The following COL4A3 variants were observed in gnomAD, a reference collection of about 807,000 sequenced individuals.
COL4A3 encodes collagen alpha-3(IV) chain.
A neutral mutation model predicts 217.4 loss-of-function variants in COL4A3; 135 were observed. The ratio of observed to expected loss-of-function variants is 0.62; its 90% confidence interval spans 0.54 to 0.72. The LOEUF (loss-of-function observed/expected upper bound fraction) is 0.72. Ranked by LOEUF, COL4A3 falls within the 30% of genes least tolerant of loss-of-function variation. The pLI is 0.00. For missense variants in COL4A3, 1,868 were observed against 2,119.9 expected (o/e 0.88, Z 2.33); for synonymous variants, 690 against 736.3 (o/e 0.94, Z 1.02).
rs114719458 is a variant in COL4A3, at chr2:227,297,664, T to C, written c.3566-10T>C. 923 of 1,602,854 alleles carry C rather than the reference T, an allele frequency of 5.8e-4. 2 individuals are homozygous for C. In the African/African-American group the frequency reaches 0.011, roughly 18 times the overall value. On this transcript the variant is annotated splice_polypyrimidine_tract_variant and intron_variant, in intron 41 of 51. Transcript: ENST00000396578. Reference sequence around the variant, plus strand: ...CATTAAAGAAACTTATTAAGCCTTCTTCTTTGCAGGAGCCAAAGGAGACAG... The same window carrying C: ...CATTAAAGAAACTTATTAAGCCTTCCTCTTTGCAGGAGCCAAAGGAGACAG...
At chr2:227,247,763 C>A (rs999265897) in intron 8 of COL4A3, among the ~76,000 whole-genome samples, 179 bp downstream of exon 8, 1 of 152,038 alleles carries the variant, frequency 6.6e-6, no homozygotes, top group Non-Finnish European at 1.5e-5. Context: ...CTCCTTCTGG[C>A]TCTTGTCATA....
chr2:227,233,535 CTCT>C (rs1279119779), intron 1 of COL4A3, among the ~76,000 whole-genome samples: 3 of 152,072 alleles, frequency 2.0e-5, no homozygotes, highest in Non-Finnish European at 4.4e-5. Context: ...TTGTTTTTGA[CTCT>C]TCAACTTTTT....
At chr2:227,240,302 T>G (rs763810306) in intron 3 of COL4A3, 70 bp downstream of exon 3, 6 of 1,415,006 alleles carry the variant, frequency 4.2e-6, no homozygotes, top group Non-Finnish European at 5.9e-6. Context: ...CCCTGGCTGC[T>G]GCAAACCTGG....
chr2:227,302,959 T>C (rs565426305), intron 43 of COL4A3, 79 bp from the exon 44 acceptor site: 1 of 875,788 alleles, frequency 1.1e-6, no homozygotes, highest in East Asian at 2.4e-5. Context: ...TATACCCTAT[T>C]TGCATTTTTA....
intron 1 of COL4A3, among the ~76,000 whole-genome samples, chr2:227,200,936 A>C (rs768295265): frequency 1.3e-5 from 2 of 152,232 alleles, no homozygotes; most frequent in African/African-American, 4.8e-5. Flanking sequence ...ATTTATTCCA[A>C]AATGTTATTA....
rs545882809 is a variant in COL4A3 at position 227,245,858 on chromosome 2, T to C, written c.325-96T>C. ...ACTTAACCATTTAAACAATCATTTA[T>C]ATTTCAAGAGCTATTTAAATCAGTG... On this transcript the variant is annotated intron_variant, in intron 5 of 51. Coordinates refer to ENST00000396578, the MANE Select transcript of COL4A3 (RefSeq NM_000091.5). The C allele has an allele frequency of 6.5e-5, 58 of 894,330 alleles. No individual in the cohort carries two copies. In the African/African-American group the frequency reaches 8.2e-4, roughly 13 times the overall value. 55.4% of individuals were successfully genotyped at this position (894,330 alleles called of 1,614,324 possible).
At chr2:227,292,096 A>AT in intron 37 of COL4A3, among the ~76,000 whole-genome samples, 1 of 152,300 alleles carries the variant, frequency 6.6e-6, no homozygotes, top group East Asian at 1.9e-4. Context: ...TCAGATTTAG[A>AT]TTTTTAGATT....
chr2:227,187,316 T>G (rs553403835), intron 1 of COL4A3, among the ~76,000 whole-genome samples: 1 of 152,286 alleles, frequency 6.6e-6, no homozygotes, highest in South Asian at 2.1e-4. Context: ...GGGGAGACGC[T>G]GATAATCACA....
chr2:227,269,148 C>A (rs1030914411), intron 23 of COL4A3, among the ~76,000 whole-genome samples: 1 of 151,992 alleles, frequency 6.6e-6, no homozygotes, highest in African/African-American at 2.4e-5. Flanking sequence ...TATTTAAATA[C>A]CTATGGGAAG....
At chr2:227,290,162 C>A in intron 36 of COL4A3, 74 bp downstream of exon 36, 1 of 1,448,442 alleles carries the variant, frequency 6.9e-7, no homozygotes, top group Non-Finnish European at 9.7e-7. Context: ...GTGTTGTGTA[C>A]TGTTTTGGTT....
At chr2:227,277,961 AT>A (rs1203523376) in intron 28 of COL4A3, among the ~76,000 whole-genome samples, 1 of 152,206 alleles carries the variant, frequency 6.6e-6, no homozygotes, top group Non-Finnish European at 1.5e-5. Flanking sequence ...ATGGAAAAAA[AT>A]CTTATAATAA....
In COL4A3 at chr2:227,305,035, C is replaced by T. The variant is rs199548916; in HGVS notation, c.4204C>T (p.Pro1402Ser). Reference protein sequence around the residue: ...KPGKDGKPGTPGPAGEKGNKG... With the variant: ...KPGKDGKPGTSGPAGEKGNKG... ...AGGCAAGGATGGAAAACCAGGAACT[C>T]CTGGACCAGCTGGAGAAAAAGGCAA... The change falls in exon 47 of 52, where the codon CCT (proline) becomes TCT (serine). Residue 1402 changes from proline to serine, a missense_variant. Around this residue, in one of 2 missense-constraint regions of COL4A3, gnomAD observed 1,503 missense variants for 1,786.1 expected, o/e 0.84. Transcript: ENST00000396578. The T allele has an allele frequency of 1.6e-5, 26 of 1,613,990 alleles. No homozygotes were observed. The South Asian group carries it at 2.7e-4, about 17-fold the overall frequency.
At chr2:227,209,740 G>T (rs533370374) in intron 1 of COL4A3, among the ~76,000 whole-genome samples, 1 of 152,212 alleles carries the variant, frequency 6.6e-6, no homozygotes, top group Non-Finnish European at 1.5e-5. Context: ...TACTCTGGAG[G>T]TTGATGCAGG....
intron 1 of COL4A3, among the ~76,000 whole-genome samples, chr2:227,173,469 T>C (rs2065564626): frequency 6.6e-6 from 1 of 152,176 alleles, no homozygotes; most frequent in Non-Finnish European, 1.5e-5. Flanking sequence ...TTCTTCCAGG[T>C]GTTCCTCATG....
chr2:227,192,844 G>C (rs1050518359), intron 1 of COL4A3, among the ~76,000 whole-genome samples: 1 of 152,008 alleles, frequency 6.6e-6, no homozygotes, highest in Non-Finnish European at 1.5e-5. Context: ...AGAAAATTTT[G>C]TTTTGTTTTT....
chr2:227,185,871 G>A (rs1210629131), intron 1 of COL4A3, among the ~76,000 whole-genome samples: 1 of 152,188 alleles, frequency 6.6e-6, no homozygotes, highest in Non-Finnish European at 1.5e-5. Context: ...TCATTCTGAT[G>A]CAAATGGTCC....
rs540034880 is a variant in COL4A3, at chr2:227,195,435, C to T, written c.87+30622C>T. Among the ~76,000 whole-genome samples the T allele has an allele frequency of 1.8e-4, 27 of 152,258 alleles. No homozygotes were observed. In the East Asian group the frequency reaches 5.0e-3, roughly 28 times the overall value. ...AAGATTATAATGAAGCTGAAAACTC[C>T]TATAGACTAGTGATGTATAGCAGTC... is the stretch of plus-strand genomic sequence containing the variant. On this transcript the variant is annotated intron_variant, in intron 1 of 51. Coordinates refer to ENST00000396578, the MANE Select transcript of COL4A3 (RefSeq NM_000091.5).
Position 227,168,835 on chromosome 2 carries a change from C to T in COL4A3, c.87+4022C>T, listed in dbSNP as rs1217990781. ...ATCTTTTTCCATGTAGATGACAAATCGTCCCAACATTTTCAATCAAATAGT... is the reference window on the plus strand; with the variant it reads ...ATCTTTTTCCATGTAGATGACAAATTGTCCCAACATTTTCAATCAAATAGT... On this transcript the variant is annotated intron_variant, in intron 1 of 51. Transcript: ENST00000396578. Among the ~76,000 whole-genome samples, 35 of 151,966 alleles carry T rather than the reference C, an allele frequency of 2.3e-4. 1 individual carries two copies. Among genetic ancestry groups the T allele is most frequent in the Non-Finnish European group, 1.5e-5 (1 of 67,996 alleles).
rs759865770 is a variant in COL4A3, at chr2:227,244,322, C to T, written c.237C>T (p.Gly79=). 4.3e-6 allele frequency: 7 copies of T among 1,613,840 alleles called. No individual in the cohort carries two copies. In the South Asian group the frequency reaches 7.7e-5, roughly 18 times the overall value. ...TTTCTTTTTTCACTTGAATCTAGGG[C>T]TTTCCAGGACTTCCAGGACTCACGG... ...EGLPGPQGPK[G]FPGLPGLTGS... is the part of the protein sequence containing the mutation. Residue 79 remains glycine (G), a splice_region_variant and synonymous_variant, in exon 4 of 52, where the codon GGC becomes GGT. Coordinates refer to ENST00000396578, the MANE Select transcript of COL4A3 (RefSeq NM_000091.5).
Sources: gnomAD v4.1 joint callset for allele counts (sites outside exome capture counted in the v4.1 genomes callset) on GRCh38, gnomAD v4.1.1 for gene constraint, gnomAD v4.1.1 regional missense constraint, MANE v1.5 for transcripts, NCBI Gene and HGNC (gene_info 2026-07-23, HGNC 2026-07-21) for gene names.